GMDS: variants seen among roughly 807,000 people sequenced by gnomAD.
GMDS encodes the protein GDP-mannose 4,6 dehydratase.
In GMDS, 20 loss-of-function variants were observed where a neutral mutation model predicts 49.9. That is an observed-to-expected ratio of 0.40 (90% CI 0.28 to 0.58). GMDS has a LOEUF of 0.58. Ranked by LOEUF, GMDS falls within the 20% of genes least tolerant of loss-of-function variation. The pLI is 0.42. For synonymous variants in GMDS, 177 were observed against 178.6 expected (o/e 0.99, Z 0.07); for missense variants, 362 against 481.4 (o/e 0.75, Z 2.32).
chr6:1,647,801 T>C (rs945514572), intron 9 of GMDS, among the ~76,000 whole-genome samples: 1 of 152,188 alleles, frequency 6.6e-6, no homozygotes, highest in African/African-American at 2.4e-5. Flanking sequence ...GGACAAGCCC[T>C]TCCTTCCTCC....
chr6:1,701,445 C>T (rs1296626801), intron 9 of GMDS, among the ~76,000 whole-genome samples: 1 of 152,116 alleles, frequency 6.6e-6, no homozygotes, highest in Non-Finnish European at 1.5e-5. Flanking sequence ...TACATGTTTT[C>T]AAAACACATG....
At chr6:1,993,049 G>A (rs769175365) in intron 4 of GMDS, among the ~76,000 whole-genome samples, 6 of 152,120 alleles carry the variant, frequency 3.9e-5, no homozygotes, top group Non-Finnish European at 7.3e-5. Context: ...TGAGTAGATC[G>A]TCCAGCTGCT....
At position 1,750,159 on chromosome 6, in the gene GMDS, C is replaced by T. The variant is rs1201978333; in HGVS notation, c.772-7573G>A. Among the ~76,000 whole-genome samples, 8 of 152,116 alleles carry T rather than the reference C, an allele frequency of 5.3e-5. No homozygotes were observed. The South Asian group carries it at 1.7e-3, about 32-fold the overall frequency. ...TAATACCTCATATTTCAAGTTGTGT[C>T]CAATTTCATTGTTATAATGAAGCAG... On this transcript the variant is annotated intron_variant, in intron 7 of 10. Coordinates refer to ENST00000380815, the MANE Select transcript of GMDS (RefSeq NM_001500.4).
At chr6:1,845,619 A>G (rs954779085) in intron 7 of GMDS, among the ~76,000 whole-genome samples, 1 of 152,080 alleles carries the variant, frequency 6.6e-6, no homozygotes, top group East Asian at 1.9e-4. Context: ...GGCACCAGGG[A>G]CTGGTTTTGT....
intron 7 of GMDS, among the ~76,000 whole-genome samples, chr6:1,863,734 T>C (rs890724432): frequency 2.0e-5 from 3 of 152,152 alleles, no homozygotes; most frequent in African/African-American, 4.8e-5. Flanking sequence ...GTCTGAAGAG[T>C]ATAGTAGTTT....
At chr6:1,718,633 G>A (rs889175037) in intron 9 of GMDS, among the ~76,000 whole-genome samples, 2 of 151,970 alleles carry the variant, frequency 1.3e-5, no homozygotes, top group Non-Finnish European at 2.9e-5. Flanking sequence ...AGTTTCTATT[G>A]GACAAGGACC....
intron 9 of GMDS, among the ~76,000 whole-genome samples, chr6:1,650,159 G>A (rs1237731435): frequency 2.0e-5 from 3 of 152,076 alleles, no homozygotes; most frequent in Admixed American, 2.0e-4. Context: ...CATCTAGCTC[G>A]TGGGGACTGG....
chr6:1,900,430 A>G (rs1581328434), intron 7 of GMDS, among the ~76,000 whole-genome samples: 1 of 148,274 alleles, frequency 6.7e-6, no homozygotes, highest in African/African-American at 2.6e-5. Flanking sequence ...TAACCACTTC[A>G]ACTTTAAGAC....
At chr6:2,237,251 T>C (rs1291638102) in intron 1 of GMDS, among the ~76,000 whole-genome samples, 1 of 152,210 alleles carries the variant, frequency 6.6e-6, no homozygotes, top group Non-Finnish European at 1.5e-5. Context: ...AGTCACAAGA[T>C]TTTGGCAGGA....
intron 7 of GMDS, among the ~76,000 whole-genome samples, chr6:1,895,877 C>T (rs1464696909): frequency 1.3e-5 from 2 of 152,118 alleles, no homozygotes; most frequent in South Asian, 2.1e-4. Flanking sequence ...GTGAAATATG[C>T]CATCAGCTTC....
intron 8 of GMDS, among the ~76,000 whole-genome samples, chr6:1,732,487 A>G (rs558058787): frequency 7.2e-5 from 11 of 152,302 alleles, no homozygotes; most frequent in African/African-American, 2.6e-4. Flanking sequence ...GGTCAAGGGG[A>G]GAAGAAGAGG....
rs140752843 is a variant in GMDS, at chr6:1,900,199, G to A, written c.771+29904C>T. Reference sequence around the variant, plus strand: ...CTTCATTGGACGGGGAGAAACTAGGGTTGTGGGGTGACCTCCATGGAGTTC... The same window carrying A: ...CTTCATTGGACGGGGAGAAACTAGGATTGTGGGGTGACCTCCATGGAGTTC... On this transcript the variant is annotated intron_variant, in intron 7 of 10. Transcript: ENST00000380815. Among the ~76,000 whole-genome samples, 11 of 152,328 alleles carry A rather than the reference G, an allele frequency of 7.2e-5. No individual in the cohort carries two copies. The East Asian group carries it at 1.7e-3, about 24-fold the overall frequency.
At chr6:2,242,369 TA>T (rs1389396952) in intron 1 of GMDS, among the ~76,000 whole-genome samples, 6 of 152,210 alleles carry the variant, frequency 3.9e-5, no homozygotes, top group Non-Finnish European at 8.8e-5. Flanking sequence ...TGAGCTTCTT[TA>T]AAGCCTATTT....
At chr6:2,020,186 C>G (rs1056777771) in intron 4 of GMDS, among the ~76,000 whole-genome samples, 7 of 151,784 alleles carry the variant, frequency 4.6e-5, no homozygotes, top group African/African-American at 1.7e-4. Context: ...CATATTTGTT[C>G]CAAGAAAATA....
At chr6:2,072,025 C>T (rs1038631654) in intron 4 of GMDS, among the ~76,000 whole-genome samples, 1 of 152,094 alleles carries the variant, frequency 6.6e-6, no homozygotes, top group Non-Finnish European at 1.5e-5. Context: ...CGAAGAAACC[C>T]ACATGTGAGT....
At position 1,625,222 on chromosome 6, in the gene GMDS, C is replaced by CCCGCACACACGCGGAGTCAA. The variant is rs1252087373; in HGVS notation, c.988-683_988-682insTTGACTCCGCGTGTGTGCGG. On this transcript the variant is annotated intron_variant, in intron 9 of 10. Transcript: ENST00000380815. Reference sequence around the variant, plus strand: ...TCGTACCCACAGTCAAGTCAGTTCACGTCGCCTCCCGCACACACGCGTTCA... The same window carrying CCCGCACACACGCGGAGTCAA: ...TCGTACCCACAGTCAAGTCAGTTCACCCGCACACACGCGGAGTCAAGTCGCCTCCCGCACACACGCGTTCA... 5 of 152,228 alleles carry CCCGCACACACGCGGAGTCAA rather than the reference C, an allele frequency of 3.3e-5. No homozygotes were observed. In the East Asian group the frequency reaches 9.6e-4, roughly 29 times the overall value. The allele number at this position is 152,228 out of a possible 1,614,324, so 9.4% of individuals were successfully genotyped here. A position where few individuals can be genotyped will look rare whatever the true frequency, so the allele number is the denominator to read the frequency against.
chr6:1,895,837 A>G (rs1760147157), intron 7 of GMDS, among the ~76,000 whole-genome samples: 1 of 152,222 alleles, frequency 6.6e-6, no homozygotes, highest in Non-Finnish European at 1.5e-5. Flanking sequence ...AGACAGATCC[A>G]GAGCTGACCT....
intron 9 of GMDS, among the ~76,000 whole-genome samples, chr6:1,689,931 C>A (rs751923667): frequency 1.3e-5 from 2 of 152,098 alleles, no homozygotes; most frequent in African/African-American, 2.4e-5. Flanking sequence ...AGCATGACCA[C>A]TGATTAATAA....
intron 4 of GMDS, among the ~76,000 whole-genome samples, chr6:2,067,462 T>C (rs930014729): frequency 6.6e-5 from 10 of 151,870 alleles, no homozygotes; most frequent in East Asian, 3.9e-4. Context: ...TTCAAAAAAT[T>C]AATGAATCCA....
Sources: allele counts gnomAD v4.1 joint callset (sites outside exome capture counted in the v4.1 genomes callset), GRCh38; gene constraint gnomAD v4.1.1; transcripts MANE v1.5; gene names NCBI Gene and HGNC (gene_info 2026-07-23, HGNC 2026-07-21).